The following PRMT3 variants were observed in gnomAD, a reference collection of about 807,000 sequenced individuals.
The protein encoded by PRMT3 is protein arginine N-methyltransferase 3.
In PRMT3, 62 loss-of-function variants were observed where a neutral mutation model predicts 71.9. The observed-to-expected ratio is 0.86, with a 90% CI of 0.70 to 1.07. The LOEUF (loss-of-function observed/expected upper bound fraction) is 1.07, where lower values mean the gene tolerates loss of function less well. Among genes scored for constraint, PRMT3 ranks in the 50% least tolerant of loss-of-function variants. PRMT3 has a pLI of 0.00. For synonymous variants in PRMT3, 213 were observed against 220.4 expected, an observed-to-expected ratio of 0.97 and a Z score of 0.30; for missense variants, 663 against 643.0, an observed-to-expected ratio of 1.03 and a Z score of -0.34.
At chr11:20,428,104 A>G (rs958097127) in intron 10 of PRMT3, among the ~76,000 whole-genome samples, 1 of 152,072 alleles carries the variant, frequency 6.6e-6, no homozygotes, top group African/African-American at 2.4e-5. Flanking sequence ...TTTTAATGCT[A>G]AGATTGGCCT....
At chr11:20,417,251 A>C (rs1479772284) in intron 9 of PRMT3, among the ~76,000 whole-genome samples, 1 of 152,096 alleles carries the variant, frequency 6.6e-6, no homozygotes, top group African/African-American at 2.4e-5. Context: ...CGTTATTGTC[A>C]TTTCACTGTT....
intron 11 of PRMT3, among the ~76,000 whole-genome samples, chr11:20,457,883 G>A (rs1850302799): frequency 6.6e-6 from 1 of 152,098 alleles, no homozygotes; most frequent in Admixed American, 6.5e-5. Context: ...TAGAGCAGTA[G>A]TGTCATTTTT....
intron 9 of PRMT3, among the ~76,000 whole-genome samples, chr11:20,423,703 T>G (rs959156333): frequency 2.0e-5 from 3 of 151,746 alleles, no homozygotes; most frequent in Admixed American, 2.0e-4. Context: ...TTTTTAAGTA[T>G]TAAAGATTTT....
intron 11 of PRMT3, among the ~76,000 whole-genome samples, chr11:20,456,225 G>T (rs1252593474): frequency 2.0e-5 from 3 of 152,050 alleles, no homozygotes; most frequent in Non-Finnish European, 4.4e-5. Context: ...ATAATTGAAC[G>T]GTGGCTTACA....
chr11:20,432,677 C>T (rs190586663), intron 10 of PRMT3, among the ~76,000 whole-genome samples: 78 of 152,084 alleles, frequency 5.1e-4, no homozygotes, highest in African/African-American at 1.7e-3. Flanking sequence ...ATATTCTTAC[C>T]AACAGTGTAT....
intron 9 of PRMT3, among the ~76,000 whole-genome samples, chr11:20,422,449 T>C (rs1346103396): frequency 6.6e-6 from 1 of 152,176 alleles, no homozygotes; most frequent in Non-Finnish European, 1.5e-5. Context: ...AGTCTTTCAG[T>C]GAGGAAAAAC....
rs553197327 is a variant in PRMT3 at position 20,508,566 on chromosome 11, C to G, written c.*153C>G. On this transcript the variant is annotated 3_prime_UTR_variant, in exon 16 of 16. Transcript: ENST00000331079. ...AGAGAGAAGTTCTCATTGTGGGAAT[C>G]TGACATAGTTCAGCTGAGGAAGAGA... The G allele has an allele frequency of 1.4e-6, 1 of 706,102 alleles. No homozygotes were observed. Among genetic ancestry groups the G allele is most frequent in the South Asian group, 1.5e-5 (1 of 66,932 alleles). 43.7% of individuals were successfully genotyped at this position (706,102 alleles called of 1,614,324 possible).
intron 10 of PRMT3, among the ~76,000 whole-genome samples, chr11:20,443,981 C>A (rs1488148911): frequency 2.0e-5 from 3 of 152,092 alleles, no homozygotes; most frequent in Non-Finnish European, 4.4e-5. Flanking sequence ...AACAGTAGCA[C>A]GCATATAATA....
chr11:20,436,090 G>A (rs1287787397), intron 10 of PRMT3, among the ~76,000 whole-genome samples: 1 of 152,064 alleles, frequency 6.6e-6, no homozygotes, highest in Non-Finnish European at 1.5e-5. Context: ...TATATAAATG[G>A]GATTGCTTTC....
At chr11:20,468,913 G>A (rs181105754) in intron 13 of PRMT3, among the ~76,000 whole-genome samples, 6 of 152,220 alleles carry the variant, frequency 3.9e-5, no homozygotes, top group African/African-American at 9.6e-5. Context: ...TGCCACAGAC[G>A]AAGCTTCATG....
intron 11 of PRMT3, among the ~76,000 whole-genome samples, chr11:20,457,984 A>T (rs1180644596): frequency 6.6e-6 from 1 of 152,216 alleles, no homozygotes; most frequent in Non-Finnish European, 1.5e-5. Context: ...TTTATAAATG[A>T]ATGATGGGGA....
At chr11:20,411,303 G>T (rs1849186804) in intron 9 of PRMT3, among the ~76,000 whole-genome samples, 1 of 152,026 alleles carries the variant, frequency 6.6e-6, no homozygotes, top group Admixed American at 6.6e-5. Flanking sequence ...TGTATTTTTG[G>T]AAAGGGAGTC....
chr11:20,446,507 G>A (rs545453421), intron 10 of PRMT3, among the ~76,000 whole-genome samples: 1 of 152,010 alleles, frequency 6.6e-6, no homozygotes, highest in East Asian at 1.9e-4. Flanking sequence ...AAATGTATTG[G>A]TCTTTATGGT....
At chr11:20,466,635 CTAG>C (rs1318855334) in intron 13 of PRMT3, among the ~76,000 whole-genome samples, 1 of 152,036 alleles carries the variant, frequency 6.6e-6, no homozygotes, top group Non-Finnish European at 1.5e-5. Flanking sequence ...TTTCTATTTC[CTAG>C]TATTTAGGAT....
At chr11:20,457,151 C>T (rs1248522209) in intron 11 of PRMT3, among the ~76,000 whole-genome samples, 2 of 152,014 alleles carry the variant, frequency 1.3e-5, no homozygotes, top group African/African-American at 4.8e-5. Context: ...TTTGTTTTTG[C>T]CTTGTCATCT....
chr11:20,501,395 A>G (rs79875212), intron 15 of PRMT3, among the ~76,000 whole-genome samples: 4,617 of 152,196 alleles, frequency 0.03, 233 homozygotes, highest in African/African-American at 0.11. Context: ...ACACTATGCC[A>G]AGGTCATCTA....
chr11:20,452,143 T>C lies in PRMT3; in HGVS notation c.1007T>C (p.Leu336Pro). 6.2e-7 allele frequency: 1 copy of C among 1,607,436 alleles called. No individual in the cohort carries two copies. The highest frequency in any genetic ancestry group is 8.5e-7 in the Non-Finnish European group (1 of 1,174,552). The change falls in exon 11 of 16, where the codon CTG (leucine) becomes CCG (proline). Residue 336 changes from leucine to proline, a missense_variant. Physicochemically the swap from Leu to Pro is moderately conservative, Grantham distance 98 (BLOSUM62 -3). Transcript: ENST00000331079. Reference protein sequence around the residue: ...IISEWMGYFLLFESMLDSVLY... With the variant: ...IISEWMGYFLPFESMLDSVLY... ...TTTTTTATGCAGGGCTATTTTCTTC[T>C]GTTTGAGTCTATGTTAGATTCTGTC...
At chr11:20,431,072 A>G (rs1421888810) in intron 10 of PRMT3, among the ~76,000 whole-genome samples, 1 of 152,148 alleles carries the variant, frequency 6.6e-6, no homozygotes, top group African/African-American at 2.4e-5. Flanking sequence ...TATTTCCTCT[A>G]TGTTTTCAGC....
chr11:20,484,006 T>TG (rs1226936787), intron 13 of PRMT3, among the ~76,000 whole-genome samples: 1 of 152,214 alleles, frequency 6.6e-6, no homozygotes, highest in Non-Finnish European at 1.5e-5. Context: ...TACCAAAGGT[T>TG]GGGACAGGTT....
Sources: gnomAD v4.1 joint callset for allele counts (sites outside exome capture counted in the v4.1 genomes callset) on GRCh38, gnomAD v4.1.1 for gene constraint, MANE v1.5 for transcripts, NCBI Gene and HGNC (gene_info 2026-07-23, HGNC 2026-07-21) for gene names.